The following MBOAT2 variants were observed in gnomAD, a reference collection of about 807,000 sequenced individuals.
The protein encoded by MBOAT2 is membrane bound glycerophospholipid O-acyltransferase 2.
In MBOAT2, 28 loss-of-function variants were observed where a neutral mutation model predicts 63.4. The ratio of observed to expected loss-of-function variants is 0.44; its 90% CI spans 0.33 to 0.61. The LOEUF (loss-of-function observed/expected upper bound fraction) is 0.61, where lower values mean the gene tolerates loss of function less well. MBOAT2 is among the 20% of genes least tolerant of loss of function. MBOAT2 has a pLI of 0.03. For missense variants in MBOAT2, 470 were observed against 605.8 expected, an observed-to-expected ratio of 0.78 and a Z score of 2.35; for synonymous variants, 211 against 215.6, an observed-to-expected ratio of 0.98 and a Z score of 0.19.
chr2:8,866,916 G>A (rs1340455495), intron 9 of MBOAT2, among the ~76,000 whole-genome samples: 2 of 152,154 alleles, frequency 1.3e-5, no homozygotes, highest in Non-Finnish European at 2.9e-5. Flanking sequence ...CCCGTCTCGG[G>A]CACTTACTGC....
chr2:8,931,571 C>T (rs182432628), intron 3 of MBOAT2, among the ~76,000 whole-genome samples: 1 of 152,144 alleles, frequency 6.6e-6, no homozygotes, highest in Non-Finnish European at 1.5e-5. Flanking sequence ...TTTTGCTGTG[C>T]AGAAGTTCTT....
intron 3 of MBOAT2, among the ~76,000 whole-genome samples, chr2:8,932,870 C>A (rs1471543815): frequency 6.6e-6 from 1 of 152,130 alleles, no homozygotes; most frequent in Non-Finnish European, 1.5e-5. Flanking sequence ...AACACAGTGA[C>A]TACAGAACGT....
intron 4 of MBOAT2, among the ~76,000 whole-genome samples, chr2:8,904,241 T>A (rs1224520769): frequency 6.6e-6 from 1 of 152,174 alleles, no homozygotes; most frequent in Non-Finnish European, 1.5e-5. Flanking sequence ...CCCAAAGTGC[T>A]AAGATTGCAG....
In MBOAT2 at chr2:8,968,847, C is replaced by T. The variant is rs529035168; in HGVS notation, c.76-10205G>A. On this transcript the variant is annotated intron_variant, in intron 1 of 12. Coordinates refer to ENST00000305997, the MANE Select transcript of MBOAT2 (RefSeq NM_138799.4). ...TTAGAGAAAAAAGAGTAAAAAGAAA[C>T]GAAAAAAGCCTCCAAGAAATATGGG... Among the ~76,000 whole-genome samples, 12 of 152,024 alleles carry T rather than the reference C, an allele frequency of 7.9e-5. No individual in the cohort carries two copies. In the South Asian group the frequency reaches 2.3e-3, roughly 29 times the overall value.
At chr2:8,971,044 C>G (rs1003765760) in intron 1 of MBOAT2, among the ~76,000 whole-genome samples, 4 of 152,178 alleles carry the variant, frequency 2.6e-5, no homozygotes, top group African/African-American at 9.7e-5. Flanking sequence ...GATACCAAAG[C>G]CTGGCAGAGA....
chr2:8,907,756 G>A (rs754396907), intron 4 of MBOAT2, among the ~76,000 whole-genome samples: 1 of 152,118 alleles, frequency 6.6e-6, no homozygotes, highest in African/African-American at 2.4e-5. Flanking sequence ...AATCTGTGTA[G>A]TAAAATATAC....
At chr2:8,989,898 A>G (rs531957075) in intron 1 of MBOAT2, among the ~76,000 whole-genome samples, 121 of 152,362 alleles carry the variant, frequency 7.9e-4, no homozygotes, top group African/African-American at 2.2e-3. Flanking sequence ...GTGCAATGGC[A>G]GCCATGGCTG....
chr2:8,947,511 G>A lies in MBOAT2; in HGVS notation c.222-4247C>T, dbSNP rs554964853. On this transcript the variant is annotated intron_variant, in intron 2 of 12. Transcript: ENST00000305997. ...GAACTTTCATAGCTAGAGAGGAGAA[G>A]TCAACACCTGATTTCAAAGCTTCAA... Among the ~76,000 whole-genome samples the A allele has an allele frequency of 3.9e-5, 6 of 152,276 alleles. No individual in the cohort carries two copies. The South Asian group carries it at 1.2e-3, about 32-fold the overall frequency.
rs1281400759 is a variant in MBOAT2, at chr2:8,852,958, A to C, written c.*5721T>G. ...CTTCTTTAAAAAAATATTTTGGAAT[A>C]ATAAAAACAGAAAGCACAGAACACC... On this transcript the variant is annotated 3_prime_UTR_variant, in exon 13 of 13. Coordinates refer to ENST00000305997, the MANE Select transcript of MBOAT2 (RefSeq NM_138799.4). The C allele has an allele frequency of 6.6e-6, 1 of 152,216 alleles. No homozygotes were observed. Among genetic ancestry groups the C allele is most frequent in the East Asian group, 1.9e-4 (1 of 5,202 alleles). The allele number at this position is 152,216 out of a possible 1,614,324, so 9.4% of individuals were successfully genotyped here. A position where few individuals can be genotyped will look rare whatever the true frequency, so the allele number is the denominator to read the frequency against.
intron 8 of MBOAT2, among the ~76,000 whole-genome samples, chr2:8,872,552 G>C (rs1662401141): frequency 6.6e-6 from 1 of 152,144 alleles, no homozygotes; most frequent in Non-Finnish European, 1.5e-5. Context: ...AAAGTGCAGG[G>C]ATTATAGGGG....
chr2:8,914,983 G>A (rs1184880786), intron 3 of MBOAT2, among the ~76,000 whole-genome samples: 1 of 122,120 alleles, frequency 8.2e-6, no homozygotes, highest in Non-Finnish European at 1.6e-5. Context: ...CTGTCACCCA[G>A]GCTGCAGTGC....
At chr2:8,940,279 C>G (rs921079779) in intron 3 of MBOAT2, among the ~76,000 whole-genome samples, 2 of 151,932 alleles carry the variant, frequency 1.3e-5, no homozygotes, top group African/African-American at 4.8e-5. Flanking sequence ...CAGAACTTTT[C>G]CATTTTCTTT....
intron 3 of MBOAT2, among the ~76,000 whole-genome samples, chr2:8,926,857 A>G (rs560599238): frequency 6.6e-6 from 1 of 152,174 alleles, no homozygotes; most frequent in Admixed American, 6.5e-5. Flanking sequence ...AGTGGATTTG[A>G]CATGGGTTGG....
intron 6 of MBOAT2, 59 bp from the exon 7 acceptor site, chr2:8,877,272 G>C (rs1662765191): frequency 2.0e-6 from 3 of 1,486,312 alleles, no homozygotes; most frequent in Non-Finnish European, 2.7e-6. Flanking sequence ...ACATCTGATA[G>C]AATAACGATC....
chr2:8,890,712 G>GT lies in MBOAT2; in HGVS notation c.396-2640dup, dbSNP rs200071782. Among the ~76,000 whole-genome samples, 440 of 152,092 alleles carry GT rather than the reference G, an allele frequency of 2.9e-3. 3 individuals are homozygous for GT. Among genetic ancestry groups the GT allele is most frequent in the African/African-American group, 9.7e-3 (403 of 41,482 alleles). ...TTTTTAAATTTTTTGTAGACACGGGGTTTTGCTATGTTGCCCAGGCTGGTC... is the reference window on the plus strand; with the variant it reads ...TTTTTAAATTTTTTGTAGACACGGGGTTTTTGCTATGTTGCCCAGGCTGGTC... On this transcript the variant is annotated intron_variant, in intron 4 of 12. Coordinates refer to ENST00000305997, the MANE Select transcript of MBOAT2 (RefSeq NM_138799.4).
chr2:8,984,559 C>T (rs1355547761), intron 1 of MBOAT2, among the ~76,000 whole-genome samples: 4 of 152,046 alleles, frequency 2.6e-5, no homozygotes, highest in Non-Finnish European at 5.9e-5. Context: ...CTTTCATCAT[C>T]CTCTAAAAGC....
At chr2:8,952,638 G>C (rs908194044) in intron 2 of MBOAT2, among the ~76,000 whole-genome samples, 1 of 152,036 alleles carries the variant, frequency 6.6e-6, no homozygotes, top group African/African-American at 2.4e-5. Flanking sequence ...AAATCTTCTT[G>C]AGTTGAACCC....
At chr2:8,983,429 T>G (rs919216662) in intron 1 of MBOAT2, among the ~76,000 whole-genome samples, 26 of 152,202 alleles carry the variant, frequency 1.7e-4, no homozygotes, top group African/African-American at 6.3e-4. Context: ...AAAAAACATC[T>G]CTAGGCCCAG....
rs910442268 is a variant in MBOAT2, at chr2:8,857,624, A to G, written c.*1055T>C. 2 of 152,234 alleles carry G rather than the reference A, an allele frequency of 1.3e-5. No homozygotes were observed. The highest frequency in any genetic ancestry group is 2.9e-5 in the Non-Finnish European group (2 of 68,042). 9.4% of individuals were successfully genotyped at this position (152,234 alleles called of 1,614,324 possible). On this transcript the variant is annotated 3_prime_UTR_variant, in exon 13 of 13. Coordinates refer to ENST00000305997, the MANE Select transcript of MBOAT2 (RefSeq NM_138799.4). ...CCAAATATGAATTAAATTGTCAAGG[A>G]TAAGAAATGGATTAGCCAGATAGTA...
Sources: gnomAD v4.1 joint callset for allele counts (sites outside exome capture counted in the v4.1 genomes callset) on GRCh38, gnomAD v4.1.1 for gene constraint, MANE v1.5 for transcripts, NCBI Gene and HGNC (gene_info 2026-07-23, HGNC 2026-07-21) for gene names.